Variants in GSE1 observed in about 807,000 individuals in gnomAD.
The protein encoded by GSE1 is genetic suppressor element 1.
In GSE1, 32 loss-of-function variants were observed where a neutral mutation model predicts 112.6. That is an observed-to-expected ratio of 0.28 (90% CI 0.21 to 0.38). The LOEUF is 0.38. GSE1 is among the 10% of genes least tolerant of loss of function. The pLI is 1.00. For missense variants in GSE1, 2,348 were observed against 1,699.2 expected, an observed-to-expected ratio of 1.38 and a Z score of -6.71; for synonymous variants, 1,115 against 735.6, an observed-to-expected ratio of 1.52 and a Z score of -8.35.
intron 1 of GSE1, among the ~76,000 whole-genome samples, chr16:85,581,195 G>T (rs1475058630): frequency 6.6e-6 from 1 of 152,218 alleles, no homozygotes; most frequent in South Asian, 2.1e-4. Flanking sequence ...GCCTCCTTCA[G>T]AAGGGAGCTT....
intron 1 of GSE1, among the ~76,000 whole-genome samples, chr16:85,204,443 G>T (rs182458748): frequency 1.2e-4 from 19 of 152,362 alleles, no homozygotes; most frequent in Non-Finnish European, 2.5e-4. Flanking sequence ...GTGGATGGAT[G>T]TTTTCAATTC....
chr16:85,589,246 C>A (rs1289993963), intron 1 of GSE1, among the ~76,000 whole-genome samples: 1 of 152,192 alleles, frequency 6.6e-6, no homozygotes, highest in Non-Finnish European at 1.5e-5. Flanking sequence ...CAGGATGCCA[C>A]CTGAGCACCT....
chr16:85,228,112 G>A (rs952470901), intron 1 of GSE1, among the ~76,000 whole-genome samples: 8 of 152,308 alleles, frequency 5.3e-5, no homozygotes, highest in Admixed American at 1.3e-4. Flanking sequence ...GGAACAGCAC[G>A]GGCAGAGGCC....
chr16:85,632,081 C>T (rs541017536), intron 1 of GSE1, among the ~76,000 whole-genome samples: 112 of 152,346 alleles, frequency 7.4e-4, no homozygotes, highest in South Asian at 2.9e-3. Context: ...CCCGCCCTCC[C>T]GCTTGTTTGG....
intron 1 of GSE1, among the ~76,000 whole-genome samples, chr16:85,617,849 G>T (rs2048475933): frequency 6.6e-6 from 1 of 152,074 alleles, no homozygotes. Context: ...AGACCGCCTT[G>T]CTTGCCCCGG....
chr16:85,324,659 C>T (rs951671089), intron 1 of GSE1, among the ~76,000 whole-genome samples: 1 of 152,154 alleles, frequency 6.6e-6, no homozygotes, highest in Non-Finnish European at 1.5e-5. Flanking sequence ...AAAATCTGGT[C>T]TACCCAGAGA....
chr16:85,662,805 C>T (rs2052540119), intron 9 of GSE1, 176 bp from the exon 10 acceptor site: 6 of 590,854 alleles, frequency 1.0e-5, no homozygotes, highest in Non-Finnish European at 1.8e-5. Flanking sequence ...CCTGCAAAGC[C>T]CCAGGACTGG....
intron 2 of GSE1, among the ~76,000 whole-genome samples, chr16:85,488,961 T>G (rs2050926023): frequency 6.6e-6 from 1 of 151,802 alleles, no homozygotes. Flanking sequence ...GTTTTTAAGT[T>G]GTTAGTGTTT....
rs550728566 is a variant in GSE1, at chr16:85,668,143, G to A, written c.3134G>A (p.Ser1045Asn). 1.9e-6 allele frequency: 3 copies of A among 1,574,096 alleles called. No individual in the cohort carries two copies. The highest frequency in any genetic ancestry group is 2.7e-5 in the African/African-American group (2 of 74,306). Residue 1045 changes from serine (S) to asparagine (N), a missense_variant, in exon 14 of 16, where the codon AGC (serine) becomes AAC (asparagine). Coordinates refer to ENST00000253458, the MANE Select transcript of GSE1 (RefSeq NM_014615.5). ...TQKALQKHKGSVAVLSAEQNH... is the reference protein window; with the variant it reads ...TQKALQKHKGNVAVLSAEQNH... ...GCAAGCCCTGTCCCCTCCACAGGGA[G>A]CGTGGCTGTGCTGTCTGCAGAGCAG...
At chr16:85,628,050 G>T (rs1031538847) in intron 1 of GSE1, among the ~76,000 whole-genome samples, 1 of 152,180 alleles carries the variant, frequency 6.6e-6, no homozygotes, top group Non-Finnish European at 1.5e-5. Context: ...AGGCACGTGG[G>T]CCCTGGAGGC....
chr16:85,493,754 C>T (rs2051082710), intron 2 of GSE1, among the ~76,000 whole-genome samples: 1 of 144,058 alleles, frequency 6.9e-6, no homozygotes, highest in East Asian at 2.0e-4. Flanking sequence ...CATGCCATTG[C>T]ACTCTAGCCT....
At position 85,548,227 on chromosome 16, in the gene GSE1, CAAAA is replaced by C. The variant is rs1241025677; in HGVS notation, c.2465-85671_2465-85668del. Among the ~76,000 whole-genome samples the C allele has an allele frequency of 9.3e-3, 651 of 70,112 alleles. 8 individuals are homozygous for C. Among genetic ancestry groups the C allele is most frequent in the Non-Finnish European group, 7.3e-3 (246 of 33,592 alleles). 46.0% of individuals were successfully genotyped at this position (70,112 alleles called of 152,430 possible). Reference sequence around the variant, plus strand: ...CTGGTGACAGAGTGAGACTCTTTCTCAAAAAAAAAAAAAAAAAAAGAAAGAAAGA... The same window carrying C: ...CTGGTGACAGAGTGAGACTCTTTCTCAAAAAAAAAAAAAAAGAAAGAAAGA... On this transcript the variant is annotated intron_variant, in intron 2 of 2. Coordinates refer to the GSE1 transcript ENST00000637419.
At chr16:85,181,263 C>T (rs1226531812) in intron 1 of GSE1, among the ~76,000 whole-genome samples, 7 of 152,206 alleles carry the variant, frequency 4.6e-5, no homozygotes, top group Admixed American at 3.3e-4. Context: ...ACAGAGGGGG[C>T]GTGAATGGCC....
intron 2 of GSE1, among the ~76,000 whole-genome samples, chr16:85,429,888 C>G (rs986265230): frequency 6.6e-6 from 1 of 152,250 alleles, no homozygotes; most frequent in Non-Finnish European, 1.5e-5. Flanking sequence ...TGTGGTTATT[C>G]TCTGTCTCCT....
intron 1 of GSE1, among the ~76,000 whole-genome samples, 173 bp downstream of exon 1, chr16:85,613,571 C>G: frequency 6.6e-6 from 1 of 151,488 alleles, no homozygotes; most frequent in Non-Finnish European, 1.5e-5. Context: ...CAAAGGCCAC[C>G]CCCTTCCTCC....
At chr16:85,565,517 C>A (rs1449145345) in intron 1 of GSE1, among the ~76,000 whole-genome samples, 2 of 152,214 alleles carry the variant, frequency 1.3e-5, no homozygotes, top group Non-Finnish European at 2.9e-5. Context: ...AGAGCTGCAT[C>A]CTCGTGCAGT....
At chr16:85,205,981 G>C (rs116264363) in intron 1 of GSE1, among the ~76,000 whole-genome samples, 184 of 152,338 alleles carry the variant, frequency 1.2e-3, no homozygotes, top group African/African-American at 4.1e-3. Context: ...TGGTGGGAGA[G>C]ACAGATGTCG....
chr16:85,312,919 G>A (rs1314621402), intron 1 of GSE1, among the ~76,000 whole-genome samples: 1 of 152,156 alleles, frequency 6.6e-6, no homozygotes, highest in Non-Finnish European at 1.5e-5. Flanking sequence ...GGCCTCCTGG[G>A]CAGGTGTGAC....
intron 1 of GSE1, among the ~76,000 whole-genome samples, chr16:85,182,893 C>T (rs1221291498): frequency 6.6e-6 from 1 of 152,144 alleles, no homozygotes; most frequent in Non-Finnish European, 1.5e-5. Flanking sequence ...CACCCGCCTC[C>T]CTCTCGCACA....
Sources: allele counts gnomAD v4.1 joint callset (sites outside exome capture counted in the v4.1 genomes callset), GRCh38; gene constraint gnomAD v4.1.1; transcripts MANE v1.5; gene names NCBI Gene and HGNC (gene_info 2026-07-23, HGNC 2026-07-21).